Variants in AKAP13 observed in about 807,000 individuals in gnomAD.
AKAP13 encodes the protein A-kinase anchor protein 13.
A neutral mutation model predicts 264.5 loss-of-function variants in AKAP13; 80 were observed. That is an observed-to-expected ratio of 0.30 (90% CI 0.25 to 0.36). The LOEUF is 0.36. Ranked by LOEUF, AKAP13 falls within the 10% of genes least tolerant of loss-of-function variation. The pLI, the probability that AKAP13 is intolerant of heterozygous loss-of-function variation, is 1.00. For synonymous variants in AKAP13, 1,380 were observed against 1,250.2 expected, an observed-to-expected ratio of 1.10 and a Z score of -2.19; for missense variants, 3,712 against 3,435.2, an observed-to-expected ratio of 1.08 and a Z score of -2.01.
intron 1 of AKAP13, among the ~76,000 whole-genome samples, chr15:85,422,846 A>G (rs772505108): frequency 6.6e-6 from 1 of 152,204 alleles, no homozygotes; most frequent in Non-Finnish European, 1.5e-5. Flanking sequence ...GAAGTGACCT[A>G]TTTGAATATA....
intron 1 of AKAP13, among the ~76,000 whole-genome samples, chr15:85,387,106 G>A (rs1250077703): frequency 1.3e-5 from 2 of 151,772 alleles, no homozygotes; most frequent in Non-Finnish European, 2.9e-5. Context: ...AGGCTGAGGC[G>A]GGTGGATCAC....
At chr15:85,399,301 C>T (rs1412381746) in intron 1 of AKAP13, among the ~76,000 whole-genome samples, 1 of 149,970 alleles carries the variant, frequency 6.7e-6, no homozygotes, top group East Asian at 1.9e-4. Context: ...TCGAGACCAT[C>T]CTGGCTAACA....
At chr15:85,696,546 C>T (rs1567200378) in intron 17 of AKAP13, among the ~76,000 whole-genome samples, 2 of 152,264 alleles carry the variant, frequency 1.3e-5, no homozygotes, top group Non-Finnish European at 2.9e-5. Flanking sequence ...TACATCCCTC[C>T]TTGCAGTGTG....
chr15:85,658,322 T>C (rs2083191715), intron 11 of AKAP13, among the ~76,000 whole-genome samples: 1 of 152,212 alleles, frequency 6.6e-6, no homozygotes, highest in Non-Finnish European at 1.5e-5. Flanking sequence ...GATTAACTCC[T>C]TGGAGCAAGG....
At chr15:85,493,939 A>G in intron 2 of AKAP13, among the ~76,000 whole-genome samples, 1 of 152,222 alleles carries the variant, frequency 6.6e-6, no homozygotes, top group Admixed American at 6.5e-5. Context: ...ACCTCAGGCA[A>G]TTTATCACTC....
In AKAP13 at chr15:85,581,277, A is replaced by G. The variant is rs771760234; in HGVS notation, c.3209A>G (p.Lys1070Arg). The change falls in exon 7 of 37, where the codon AAG (lysine) becomes AGG (arginine). Residue 1070 changes from lysine (K) to arginine (R), a missense_variant. Physicochemically the swap from Lys to Arg is conservative, Grantham distance 26. Around this residue, in one of 3 missense-constraint regions of AKAP13, gnomAD observed 2,759 missense variants for 2,411.7 expected, o/e 1.14. Coordinates refer to ENST00000394518, the MANE Select transcript of AKAP13 (RefSeq NM_007200.5). ...CCTTCTCCTCTGGATGTTGGAGTGA[A>G]GAACACTCAATCCCAGGGAAAAACT... ...SQPSPLDVGVKNTQSQGKTSA... is the reference protein window; with the variant it reads ...SQPSPLDVGVRNTQSQGKTSA... 5.6e-6 allele frequency: 9 copies of G among 1,614,214 alleles called. No individual in the cohort carries two copies. The highest frequency in any genetic ancestry group is 7.6e-6 in the Non-Finnish European group (9 of 1,180,038).
At chr15:85,700,327 T>C (rs2085836333) in intron 17 of AKAP13, among the ~76,000 whole-genome samples, 1 of 152,216 alleles carries the variant, frequency 6.6e-6, no homozygotes, top group South Asian at 2.1e-4. Flanking sequence ...ATAGAAATTC[T>C]CTTTTACTGG....
At chr15:85,471,191 A>G (rs984235862) in intron 1 of AKAP13, among the ~76,000 whole-genome samples, 5 of 152,136 alleles carry the variant, frequency 3.3e-5, no homozygotes, top group Non-Finnish European at 5.9e-5. Flanking sequence ...ATATTTTTTA[A>G]AAGTTTAAAA....
chr15:85,669,887 A>G (rs1331105869), intron 14 of AKAP13, 57 bp downstream of exon 14: 2 of 1,334,684 alleles, frequency 1.5e-6, no homozygotes, highest in Non-Finnish European at 2.1e-6. Flanking sequence ...CACTCTTCCT[A>G]TTATTTTTCT....
rs1162168881 is a variant in AKAP13 at position 85,479,984 on chromosome 15, C to T, written c.-11-5726C>T. ...GAAACAGTGTCTTTTTACTTATTTC[C>T]AGTACAGTTGTGATGTATTGAATGA... On this transcript the variant is annotated intron_variant, in intron 1 of 36. Transcript: ENST00000394518. Among the ~76,000 whole-genome samples, 3 of 152,024 alleles carry T rather than the reference C, an allele frequency of 2.0e-5. No homozygotes were observed. In the South Asian group the frequency reaches 6.2e-4, roughly 32 times the overall value.
rs370758798 is a variant in AKAP13, at chr15:85,444,742, C to G, written c.-11-40968C>G. ...TAGTTAAAATTTAGTGAAGTCAACACCAGGACTCTAGCAGCCCTTCCTGGT... is the reference window on the plus strand; with the variant it reads ...TAGTTAAAATTTAGTGAAGTCAACAGCAGGACTCTAGCAGCCCTTCCTGGT... On this transcript the variant is annotated intron_variant, in intron 1 of 36. Coordinates refer to ENST00000394518, the MANE Select transcript of AKAP13 (RefSeq NM_007200.5). Among the ~76,000 whole-genome samples the G allele has an allele frequency of 1.4e-4, 21 of 152,296 alleles. No individual in the cohort carries two copies. In the East Asian group the frequency reaches 3.5e-3, roughly 25 times the overall value.
intron 14 of AKAP13, among the ~76,000 whole-genome samples, chr15:85,677,502 A>G (rs1171221003): frequency 1.3e-5 from 2 of 152,130 alleles, no homozygotes; most frequent in South Asian, 2.1e-4. Context: ...AGATATCTAG[A>G]TGTTCATCTG....
intron 2 of AKAP13, among the ~76,000 whole-genome samples, chr15:85,495,279 A>G (rs2075839313): frequency 6.6e-6 from 1 of 151,606 alleles, no homozygotes; most frequent in African/African-American, 2.4e-5. Flanking sequence ...AATGTTCTTT[A>G]CTGGTTTCCA....
intron 17 of AKAP13, among the ~76,000 whole-genome samples, chr15:85,701,868 C>T (rs1231782910): frequency 6.6e-6 from 1 of 152,120 alleles, no homozygotes; most frequent in Non-Finnish European, 1.5e-5. Context: ...CCACCCTACT[C>T]CAGAAGTAAT....
intron 16 of AKAP13, among the ~76,000 whole-genome samples, chr15:85,688,163 C>T (rs1046463024): frequency 2.0e-5 from 3 of 151,842 alleles, no homozygotes; most frequent in Admixed American, 1.3e-4. Flanking sequence ...ACTGTATTTT[C>T]TAAATGGTAA....
intron 8 of AKAP13, among the ~76,000 whole-genome samples, chr15:85,618,552 C>G (rs1361206171): frequency 6.6e-6 from 1 of 151,938 alleles, no homozygotes; most frequent in Non-Finnish European, 1.5e-5. Context: ...CATTCATGAT[C>G]CAAGTAAGAG....
At chr15:85,723,941 T>A (rs1004293651) in intron 26 of AKAP13, among the ~76,000 whole-genome samples, 1 of 152,244 alleles carries the variant, frequency 6.6e-6, no homozygotes, top group Non-Finnish European at 1.5e-5. Flanking sequence ...CCGTATCAAG[T>A]TAAAGAAGCT....
At chr15:85,728,741 A>G (rs1461738301) in intron 29 of AKAP13, among the ~76,000 whole-genome samples, 1 of 152,202 alleles carries the variant, frequency 6.6e-6, no homozygotes, top group East Asian at 1.9e-4. Flanking sequence ...ATGTCTGCCA[A>G]GGAATGACAG....
At chr15:85,668,050 A>G (rs2083700369) in intron 13 of AKAP13, among the ~76,000 whole-genome samples, 1 of 152,140 alleles carries the variant, frequency 6.6e-6, no homozygotes, top group Admixed American at 6.6e-5. Context: ...ATGGAACCTC[A>G]GAGTAGGCAT....
Sources: allele counts gnomAD v4.1 joint callset (sites outside exome capture counted in the v4.1 genomes callset), GRCh38; gene constraint gnomAD v4.1.1; regional missense constraint gnomAD v4.1.1; transcripts MANE v1.5; gene names NCBI Gene and HGNC (gene_info 2026-07-23, HGNC 2026-07-21).